The following IDO2 variants were observed in gnomAD, a reference collection of about 807,000 sequenced individuals.
The protein encoded by IDO2 is indoleamine 2,3-dioxygenase 2, also known as indoleamine 2,3-dioxygenase-like 1 protein.
In IDO2, 46 loss-of-function variants were observed where a neutral mutation model predicts 45.1. The ratio of observed to expected loss-of-function variants is 1.02; its 90% CI spans 0.80 to 1.30. IDO2 has a LOEUF of 1.30. IDO2 is among the 50% of genes most tolerant of loss of function. The probability of loss-of-function intolerance (pLI) is 0.00; values close to 1 mark genes in which losing one functional copy is unlikely to be tolerated. For missense variants in IDO2, 544 were observed against 491.8 expected (o/e 1.11, Z -1.00); for synonymous variants, 218 against 184.9 (o/e 1.18, Z -1.45).
intron 7 of IDO2, among the ~76,000 whole-genome samples, chr8:39,989,305 A>T (rs1360379185): frequency 6.6e-6 from 1 of 152,148 alleles, no homozygotes; most frequent in Non-Finnish European, 1.5e-5. Flanking sequence ...GCCTGTGGGG[A>T]TTACCATCCA....
chr8:39,969,447 C>A (rs1185086534), intron 3 of IDO2, among the ~76,000 whole-genome samples: 1 of 152,134 alleles, frequency 6.6e-6, no homozygotes, highest in African/African-American at 2.4e-5. Context: ...CCAGCCATTG[C>A]CCCATCTCTC....
At chr8:39,983,693 G>A (rs545683853) in intron 5 of IDO2, among the ~76,000 whole-genome samples, 3 of 151,888 alleles carry the variant, frequency 2.0e-5, no homozygotes, top group Admixed American at 6.6e-5. Flanking sequence ...GTGAAACCCC[G>A]TCTCTACTAA....
intron 4 of IDO2, 47 bp downstream of exon 4, chr8:39,979,233 C>A (rs1489326310): frequency 2.6e-6 from 4 of 1,551,652 alleles, no homozygotes; most frequent in East Asian, 2.4e-5. Flanking sequence ...AGGTTACCTG[C>A]GCCTGGAGTA....
Position 39,955,111 on chromosome 8 carries a change from C to T in IDO2, c.99+5847C>T, listed in dbSNP as rs116402854. ...TTAGGTACTAGGGCTAGGGCTTCAG[C>T]ATAGGAATTTGGGGGAGACACAATT... On this transcript the variant is annotated intron_variant, in intron 2 of 10. Transcript: ENST00000502986. 5.3e-3 allele frequency among the ~76,000 whole-genome samples: 795 copies of T among 150,686 alleles called. 3 individuals carry two copies. The highest frequency in any genetic ancestry group is 0.019 in the African/African-American group (760 of 40,914).
intron 2 of IDO2, among the ~76,000 whole-genome samples, chr8:39,958,392 C>T (rs544679562): frequency 6.6e-6 from 1 of 151,834 alleles, no homozygotes; most frequent in South Asian, 2.1e-4. Context: ...TGCTACCACA[C>T]CCAGCTAATT....
Position 40,013,546 on chromosome 8 carries a change from TCA to T in IDO2, c.720-17_720-16del. The T allele has an allele frequency of 6.2e-7, 1 of 1,607,342 alleles. No individual in the cohort carries two copies. The highest frequency in any genetic ancestry group is 8.5e-7 in the Non-Finnish European group (1 of 1,176,330). On this transcript the variant is annotated splice_polypyrimidine_tract_variant and intron_variant, in intron 9 of 10. Transcript: ENST00000502986. ...CCTCCCTGCACCCCTTTCATCTCTC[TCA>T]CTTTTCTCTTGCTTAGATGGAAAGA...
intron 2 of IDO2, among the ~76,000 whole-genome samples, chr8:39,961,060 G>A (rs1191757868): frequency 1.3e-5 from 2 of 152,168 alleles, no homozygotes; most frequent in South Asian, 2.1e-4. Flanking sequence ...TGGGATTATA[G>A]GCGTGAGCCA....
At chr8:40,010,250 G>A (rs1301092565) in intron 9 of IDO2, among the ~76,000 whole-genome samples, 2 of 152,116 alleles carry the variant, frequency 1.3e-5, no homozygotes, top group Non-Finnish European at 2.9e-5. Context: ...AAGTGAGGGA[G>A]TGAGCCGCCA....
At chr8:40,007,397 A>G (rs1056787630) in intron 9 of IDO2, among the ~76,000 whole-genome samples, 1 of 152,080 alleles carries the variant, frequency 6.6e-6, no homozygotes, top group East Asian at 1.9e-4. Context: ...CTCCTTGTAG[A>G]GGGTACAGAG....
intron 7 of IDO2, among the ~76,000 whole-genome samples, chr8:39,988,236 A>C (rs1403352897): frequency 6.6e-6 from 1 of 152,162 alleles, no homozygotes; most frequent in East Asian, 1.9e-4. Context: ...AACAAGACAG[A>C]CATTTTCCCA....
At chr8:40,005,404 G>A (rs1802206549) in intron 9 of IDO2, 26 bp downstream of exon 9, 4 of 1,470,794 alleles carry the variant, frequency 2.7e-6, no homozygotes, top group South Asian at 1.4e-5. Flanking sequence ...TTGTTTTCCT[G>A]TGTGAAGTCT....
intron 8 of IDO2, 92 bp downstream of exon 8, chr8:39,989,930 G>A: frequency 4.1e-6 from 3 of 735,610 alleles, no homozygotes; most frequent in Non-Finnish European, 6.7e-6. Context: ...TGTCCTGAAG[G>A]GGGTGATAAT....
In IDO2 at chr8:39,956,251, G is replaced by T. The variant is rs7826274; in HGVS notation, c.99+6987G>T. The stretch of plus-strand genomic sequence containing the variant: ...TTTTTGTATCCTTTTTAGTAAAGAC[G>T]GGATTTCCCCATGTTGGCCAGGCTG... On this transcript the variant is annotated intron_variant, in intron 2 of 10. Coordinates refer to ENST00000502986, the Ensembl canonical transcript of IDO2. Among the ~76,000 whole-genome samples the T allele has an allele frequency of 6.8e-3, 1,032 of 151,922 alleles. 17 individuals carry two copies. The highest frequency in any genetic ancestry group is 0.023 in the African/African-American group (966 of 41,416).
intron 4 of IDO2, among the ~76,000 whole-genome samples, chr8:39,982,045 G>T (rs998518791): frequency 2.0e-5 from 3 of 152,026 alleles, no homozygotes; most frequent in Non-Finnish European, 2.9e-5. Flanking sequence ...GCTTTTCTAG[G>T]GCACTGTGGT....
At chr8:39,985,014 C>A (rs557327299) in intron 5 of IDO2, 1 of 362,136 alleles carries the variant, frequency 2.8e-6, no homozygotes, top group South Asian at 2.2e-5. Flanking sequence ...TCACTGCAAC[C>A]TCTGCCTCCT....
intron 3 of IDO2, among the ~76,000 whole-genome samples, chr8:39,967,767 C>T (rs983332939): frequency 1.3e-5 from 2 of 152,208 alleles, no homozygotes; most frequent in African/African-American, 4.8e-5. Context: ...GGATTACAGG[C>T]GTGAGCCACC....
intron 9 of IDO2, 67 bp downstream of exon 9, chr8:40,005,445 G>A (rs1027908447): frequency 2.9e-5 from 29 of 988,404 alleles, no homozygotes; most frequent in South Asian, 1.2e-4. Flanking sequence ...ATAAGGGGAC[G>A]AAGAGACAGA....
chr8:39,960,129 C>G (rs543893080), intron 2 of IDO2, among the ~76,000 whole-genome samples: 1 of 152,260 alleles, frequency 6.6e-6, no homozygotes, highest in East Asian at 1.9e-4. Context: ...TATACTACTC[C>G]AAATTTACAG....
chr8:39,958,956 G>A (rs1259412624), intron 2 of IDO2, among the ~76,000 whole-genome samples: 2 of 152,252 alleles, frequency 1.3e-5, no homozygotes, highest in Admixed American at 6.5e-5. Context: ...AAGAATGGCT[G>A]TGTGTCTTTT....
Sources: gnomAD v4.1 joint callset for allele counts (sites outside exome capture counted in the v4.1 genomes callset) on GRCh38, gnomAD v4.1.1 for gene constraint, MANE v1.5 for transcripts, NCBI Gene and HGNC (gene_info 2026-07-23, HGNC 2026-07-21) for gene names.